Variants in OLAH observed in about 807,000 individuals in gnomAD.
OLAH encodes oleoyl-ACP hydrolase.
Under a neutral mutation model 27.8 loss-of-function variants are expected in OLAH, and 33 were observed. The observed-to-expected ratio is 1.19, with a 90% confidence interval of 0.90 to 1.59. The LOEUF (loss-of-function observed/expected upper bound fraction) is 1.59, where lower values mean the gene tolerates loss of function less well. Ranked by LOEUF, OLAH falls within the 40% of genes most tolerant of loss-of-function variation. OLAH has a pLI of 0.00. For synonymous variants in OLAH, 120 were observed against 102.9 expected (o/e 1.17, Z -1.01); for missense variants, 359 against 310.8 (o/e 1.16, Z -1.17).
chr10:15,043,881 T>A (rs1843965805), upstream of OLAH: 1 of 152,274 alleles, frequency 6.6e-6, no homozygotes, highest in Admixed American at 6.5e-5. Flanking sequence ...TGTTCTTTCA[T>A]AATGTTCTGA....
At chr10:15,042,246 G>A (rs1308332932), upstream of OLAH, among the ~76,000 whole-genome samples, 4 of 151,884 alleles carry the variant, frequency 2.6e-5, no homozygotes, top group East Asian at 1.9e-4. Context: ...TCACCTCCCC[G>A]GTTCAAGCGA....
chr10:15,043,672 T>C (rs1015822118), upstream of OLAH, among the ~76,000 whole-genome samples: 1 of 152,024 alleles, frequency 6.6e-6, no homozygotes, highest in Non-Finnish European at 1.5e-5. Context: ...TTCACCATGT[T>C]GGCCAGGCCC....
At chr10:15,055,649 C>A (rs942706579) in intron 3 of OLAH, among the ~76,000 whole-genome samples, 1 of 152,078 alleles carries the variant, frequency 6.6e-6, no homozygotes, top group African/African-American at 2.4e-5. Context: ...TCAATACATA[C>A]AATTAAAGGC....
intron 3 of OLAH, among the ~76,000 whole-genome samples, chr10:15,051,843 G>C (rs531561320): frequency 6.6e-6 from 1 of 152,010 alleles, no homozygotes; most frequent in African/African-American, 2.4e-5. Context: ...TTCTGTAAAC[G>C]GCCCAATAGT....
chr10:15,068,737 CAGT>C (rs1240401938), intron 6 of OLAH, among the ~76,000 whole-genome samples: 2 of 152,174 alleles, frequency 1.3e-5, no homozygotes, highest in African/African-American at 4.8e-5. Context: ...TGCATAAAAA[CAGT>C]AGAGACTGAA....
At chr10:15,050,331 A>T (rs1844110251) in intron 3 of OLAH, among the ~76,000 whole-genome samples, 1 of 149,990 alleles carries the variant, frequency 6.7e-6, no homozygotes, top group Middle Eastern at 3.5e-3. Flanking sequence ...GCAGTGGTGC[A>T]ATCTCGGCTC....
Position 15,071,860 on chromosome 10 carries a change from T to C in OLAH, c.638T>C (p.Ile213Thr), listed in dbSNP as rs2131383432. The change falls in exon 7 of 8, where the codon ATA (isoleucine) becomes ACA (threonine). Residue 213 changes from isoleucine to threonine, a missense_variant. Ile to Thr is a moderately conservative substitution (Grantham distance 89). Transcript: ENST00000378228. ...DLTCFVGSED[I>T]AKDMEAWKDV... ...ACATGTTTTGTTGGATCTGAAGACA[T>C]AGCAAAGGACATGGAAGGTGAAATT... 1.2e-6 allele frequency: 2 copies of C among 1,611,638 alleles called. No individual in the cohort carries two copies. The highest frequency in any genetic ancestry group is 1.7e-6 in the Non-Finnish European group (2 of 1,177,684).
chr10:15,065,436 G>A (rs1309443272), intron 5 of OLAH, 148 bp from the exon 6 acceptor site: 10 of 738,516 alleles, frequency 1.4e-5, no homozygotes, highest in South Asian at 2.6e-5. Flanking sequence ...CTTTCAAAAC[G>A]ACATAGTTCT....
intron 3 of OLAH, among the ~76,000 whole-genome samples, chr10:15,058,319 C>T (rs186161503): frequency 6.6e-6 from 1 of 152,124 alleles, no homozygotes; most frequent in East Asian, 1.9e-4. Flanking sequence ...TCTTGGACTC[C>T]TGAGCCAAAG....
chr10:15,032,620 CAAAAAAAAA>C (rs71390005), intron 1 of OLAH, among the ~76,000 whole-genome samples: 1 of 95,656 alleles, frequency 1.0e-5, no homozygotes, highest in African/African-American at 4.4e-5. Flanking sequence ...GACTCAGTTT[CAAAAAAAAA>C]AAAAAAAAAA....
chr10:15,032,379 C>T (rs1272767583), intron 1 of OLAH: 1 of 151,126 alleles, frequency 6.6e-6, no homozygotes, highest in Non-Finnish European at 1.5e-5. Flanking sequence ...ATAAACTCCC[C>T]TTTATACATA....
intron 1 of OLAH, among the ~76,000 whole-genome samples, chr10:15,037,522 G>A (rs1288286432): frequency 2.7e-5 from 4 of 150,702 alleles, no homozygotes; most frequent in East Asian, 2.0e-4. Flanking sequence ...CGGAGGTTGC[G>A]GTGAGCCAAG....
At chr10:15,048,300 C>G (rs543417273) in intron 2 of OLAH, among the ~76,000 whole-genome samples, 3 of 152,016 alleles carry the variant, frequency 2.0e-5, no homozygotes, top group East Asian at 1.9e-4. Flanking sequence ...TCACTGCAAC[C>G]CCCCCCTCCT....
intron 1 of OLAH, among the ~76,000 whole-genome samples, chr10:15,035,346 A>G (rs1320268426): frequency 6.6e-6 from 1 of 152,060 alleles, no homozygotes; most frequent in Non-Finnish European, 1.5e-5. Context: ...GAGAAAAGAG[A>G]CTTACTGGCT....
chr10:15,056,304 C>T (rs536145802), intron 3 of OLAH, among the ~76,000 whole-genome samples: 31 of 151,922 alleles, frequency 2.0e-4, no homozygotes, highest in African/African-American at 6.0e-4. Flanking sequence ...TATACATGTA[C>T]GAGAGAGTCT....
chr10:15,061,777 A>G lies in OLAH; in HGVS notation c.217A>G (p.Asn73Asp). ...AAGCAGAGTTGAAGAACCTCTTGAA[A>G]ATGACATCTCCCAGTTAGTTGATGA... ...RESRVEEPLE[N>D]DISQLVDEVV... The change falls in exon 4 of 8, where the codon AAT (asparagine) becomes GAT (aspartate). Residue 73 changes from asparagine (N) to aspartate (D), a missense_variant. Coordinates refer to ENST00000378228, the MANE Select transcript of OLAH (RefSeq NM_001039702.3). 1 of 1,613,846 alleles carries G rather than the reference A, an allele frequency of 6.2e-7. No individual in the cohort carries two copies. The highest frequency in any genetic ancestry group is 1.1e-5 in the South Asian group (1 of 91,036).
chr10:15,068,025 G>C (rs1844502077), intron 6 of OLAH: 1 of 152,046 alleles, frequency 6.6e-6, no homozygotes, highest in South Asian at 2.1e-4. Context: ...GTTCTGTTTT[G>C]TTTCTTTTTT....
chr10:15,057,006 T>A (rs1844259458), intron 3 of OLAH: 1 of 1,388,314 alleles, frequency 7.2e-7, no homozygotes, highest in African/African-American at 1.5e-5. Context: ...GTTGAAAATG[T>A]CTTCTAGTTT....
intron 3 of OLAH, among the ~76,000 whole-genome samples, chr10:15,054,624 A>G (rs1032454619): frequency 1.3e-5 from 2 of 151,908 alleles, no homozygotes; most frequent in African/African-American, 4.8e-5. Flanking sequence ...TTGTTTTGTA[A>G]TGTTTTCCCT....
Sources: gnomAD v4.1 joint callset for allele counts (sites outside exome capture counted in the v4.1 genomes callset) on GRCh38, gnomAD v4.1.1 for gene constraint, MANE v1.5 for transcripts, NCBI Gene and HGNC (gene_info 2026-07-23, HGNC 2026-07-21) for gene names.